NEGR1: variants seen among roughly 807,000 people sequenced by gnomAD.
NEGR1 encodes IgLON family member 4.
Under a neutral mutation model 40.9 loss-of-function variants are expected in NEGR1, and 10 were observed. The ratio of observed to expected loss-of-function variants is 0.24; its 90% CI spans 0.15 to 0.42. The LOEUF is 0.42. Ranked by LOEUF, NEGR1 falls within the 10% of genes least tolerant of loss-of-function variation. The pLI, the probability that NEGR1 is intolerant of heterozygous loss-of-function variation, is 1.00. For missense variants in NEGR1, 352 were observed against 438.9 expected, an observed-to-expected ratio of 0.80 and a Z score of 1.77; for synonymous variants, 185 against 166.8, an observed-to-expected ratio of 1.11 and a Z score of -0.84.
chr1:71,833,991 C>G (rs762473270), intron 2 of NEGR1, among the ~76,000 whole-genome samples: 1 of 152,098 alleles, frequency 6.6e-6, no homozygotes, highest in Non-Finnish European at 1.5e-5. Context: ...GTGCCAAGCA[C>G]AGGGCCTAGC....
chr1:71,925,300 A>G (rs914818193), intron 2 of NEGR1, among the ~76,000 whole-genome samples: 2 of 152,210 alleles, frequency 1.3e-5, no homozygotes, highest in Non-Finnish European at 2.9e-5. Context: ...CACTTGTCCA[A>G]ATGCAAACCT....
intron 1 of NEGR1, among the ~76,000 whole-genome samples, chr1:71,939,344 C>T (rs1042938953): frequency 2.0e-5 from 3 of 152,048 alleles, no homozygotes; most frequent in African/African-American, 7.2e-5. Context: ...GAAGCAAGAT[C>T]CAGGAATTTT....
chr1:71,688,517 G>A (rs1293932597), intron 4 of NEGR1, among the ~76,000 whole-genome samples: 124 of 134,312 alleles, frequency 9.2e-4, no homozygotes, highest in Admixed American at 2.3e-3. Context: ...GGAGTGCAAT[G>A]GCACATTCTT....
chr1:72,267,828 T>C (rs1221717484), intron 1 of NEGR1, among the ~76,000 whole-genome samples: 1 of 151,116 alleles, frequency 6.6e-6, no homozygotes, highest in African/African-American at 2.4e-5. Context: ...AAACACATAA[T>C]GATGGTAAGA....
intron 1 of NEGR1, among the ~76,000 whole-genome samples, chr1:72,059,590 C>A (rs922956298): frequency 2.0e-5 from 3 of 151,476 alleles, no homozygotes; most frequent in Admixed American, 6.6e-5. Flanking sequence ...ACATGGATAA[C>A]CCTGACAACA....
intron 6 of NEGR1, among the ~76,000 whole-genome samples, chr1:71,490,178 G>A (rs1646917226): frequency 6.6e-6 from 1 of 151,748 alleles, no homozygotes; most frequent in African/African-American, 2.4e-5. Flanking sequence ...TTCTTTTGCG[G>A]GATTGTATTC....
intron 4 of NEGR1, among the ~76,000 whole-genome samples, chr1:71,693,205 CA>C (rs1406671001): frequency 6.6e-6 from 1 of 151,368 alleles, no homozygotes; most frequent in Non-Finnish European, 1.5e-5. Flanking sequence ...TTATTGAATC[CA>C]CCTGGATATT....
intron 1 of NEGR1, among the ~76,000 whole-genome samples, chr1:72,185,125 GC>G (rs1245063428): frequency 6.6e-6 from 1 of 151,728 alleles, no homozygotes; most frequent in Non-Finnish European, 1.5e-5. Flanking sequence ...ATCCATACAT[GC>G]TTTTCTTCTT....
intron 1 of NEGR1, among the ~76,000 whole-genome samples, chr1:72,080,646 T>C (rs577529439): frequency 6.6e-6 from 1 of 152,226 alleles, no homozygotes; most frequent in South Asian, 2.1e-4. Flanking sequence ...TATAGTATTA[T>C]ACACCTGGAG....
chr1:71,592,551 C>T (rs922312319), intron 6 of NEGR1, among the ~76,000 whole-genome samples: 1 of 152,116 alleles, frequency 6.6e-6, no homozygotes, highest in Admixed American at 6.6e-5. Flanking sequence ...TTTCAGTTAG[C>T]CCTATTATTT....
chr1:72,175,651 T>G (rs34691764), intron 1 of NEGR1, among the ~76,000 whole-genome samples: 547 of 152,048 alleles, frequency 3.6e-3, no homozygotes, highest in Non-Finnish European at 6.7e-3. Context: ...ATTAGGTGTA[T>G]GTTTCAAGCA....
intron 3 of NEGR1, among the ~76,000 whole-genome samples, chr1:71,754,272 C>A (rs965275645): frequency 6.6e-6 from 1 of 152,096 alleles, no homozygotes. Context: ...ACCTCTACAT[C>A]GTGGGTTTAC....
At chr1:72,262,374 G>T (rs1356366485) in intron 1 of NEGR1, among the ~76,000 whole-genome samples, 1 of 151,968 alleles carries the variant, frequency 6.6e-6, no homozygotes, top group Non-Finnish European at 1.5e-5. Context: ...AGTGACAAAA[G>T]AAATCTAATT....
chr1:71,847,733 G>C (rs1011314452), intron 2 of NEGR1, among the ~76,000 whole-genome samples: 1 of 152,082 alleles, frequency 6.6e-6, no homozygotes, highest in Non-Finnish European at 1.5e-5. Context: ...ACCCTACAAT[G>C]ACCTCTAAGT....
chr1:71,921,683 T>G (rs1645721118), intron 2 of NEGR1, among the ~76,000 whole-genome samples: 1 of 139,250 alleles, frequency 7.2e-6, no homozygotes, highest in African/African-American at 2.7e-5. Context: ...ATTATATATA[T>G]AGAATAGATA....
chr1:71,619,227 G>A (rs1272199576), intron 4 of NEGR1, among the ~76,000 whole-genome samples: 2 of 152,084 alleles, frequency 1.3e-5, no homozygotes, highest in African/African-American at 4.8e-5. Flanking sequence ...AATATTCCAT[G>A]TTTTAAGTAA....
At chr1:72,221,333 C>A (rs938596330) in intron 1 of NEGR1, among the ~76,000 whole-genome samples, 2 of 152,066 alleles carry the variant, frequency 1.3e-5, no homozygotes, top group Admixed American at 1.3e-4. Context: ...TCCCATTCAC[C>A]AGTTTCAGGT....
At chr1:72,091,905 G>T (rs1412347657) in intron 1 of NEGR1, among the ~76,000 whole-genome samples, 1 of 152,114 alleles carries the variant, frequency 6.6e-6, no homozygotes, top group Non-Finnish European at 1.5e-5. Flanking sequence ...TAACGTGTGT[G>T]TGTGTGTGTG....
intron 1 of NEGR1, among the ~76,000 whole-genome samples, chr1:72,124,325 T>C (rs1649924577): frequency 6.6e-6 from 1 of 151,944 alleles, no homozygotes; most frequent in Admixed American, 6.6e-5. Flanking sequence ...CTTCTCCTAC[T>C]ATTATGGCCC....
Sources: allele counts gnomAD v4.1 joint callset (sites outside exome capture counted in the v4.1 genomes callset), GRCh38; gene constraint gnomAD v4.1.1; transcripts MANE v1.5; gene names NCBI Gene and HGNC (gene_info 2026-07-23, HGNC 2026-07-21).